PAX1: variants seen among roughly 807,000 people sequenced by gnomAD.
PAX1 encodes paired box 1.
In PAX1, 18 loss-of-function variants were observed where a neutral mutation model predicts 35.6. The ratio of observed to expected loss-of-function variants is 0.50; its 90% confidence interval spans 0.35 to 0.75. The LOEUF (loss-of-function observed/expected upper bound fraction) is 0.75. PAX1 is among the 30% of genes least tolerant of loss of function. PAX1 has a pLI of 0.01. For missense variants in PAX1, 760 were observed against 661.5 expected (o/e 1.15, Z -1.63); for synonymous variants, 397 against 305.2 (o/e 1.30, Z -3.14).
In PAX1 at chr20:21,706,446, T is replaced by C. The variant is rs1335274923; in HGVS notation, c.295T>C (p.Tyr99His). 4 of 1,611,190 alleles carry C rather than the reference T, an allele frequency of 2.5e-6. No individual in the cohort carries two copies. The highest frequency in any genetic ancestry group is 8.5e-7 in the Non-Finnish European group (1 of 1,178,978). Residue 99 changes from tyrosine to histidine, a missense_variant, in exon 2 of 5, where the codon TAT becomes CAT. By Grantham distance (83) the Tyr-to-His change is moderately conservative. This residue lies in a region of PAX1 where 222 missense variants were observed against 153.0 expected (regional missense o/e 1.45). Coordinates refer to ENST00000613128, the MANE Select transcript of PAX1 (RefSeq NM_001257096.2). The surrounding 1 kb of genome is among the most constrained non-coding windows in gnomAD (Gnocchi z 5.3). ...LAGPLAMEQTYGEVNQLGGVF... is the reference protein window; with the variant it reads ...LAGPLAMEQTHGEVNQLGGVF... ...GTCTGGCGCATCCGCAGAGCAGACG[T>C]ATGGCGAGGTGAACCAGCTGGGCGG...
rs1156521546 is a variant in PAX1, at chr20:21,706,647, G to A, written c.496G>A (p.Gly166Arg). 1 of 1,611,936 alleles carries A rather than the reference G, an allele frequency of 6.2e-7. No homozygotes were observed. The highest frequency in any genetic ancestry group is 8.5e-7 in the Non-Finnish European group (1 of 1,180,018). The change falls in exon 2 of 5, where the codon GGG becomes AGG. Residue 166 changes from glycine (G) to arginine (R), a missense_variant. Coordinates refer to ENST00000613128, the MANE Select transcript of PAX1 (RefSeq NM_001257096.2). This position sits in a 1 kb window ranked among gnomAD's most constrained non-coding sequence, Gnocchi z 5.3. ...ETGSILPGAI[G>R]GSKPRVTTPN... is the part of the protein sequence containing the mutation. ...CGGCTCCATTCTGCCCGGGGCCATC[G>A]GGGGGAGCAAGCCCCGCGTCACCAC...
In PAX1 at chr20:21,706,837, C is replaced by A. The variant is rs767391855; in HGVS notation, c.686C>A (p.Ala229Glu). 3 of 1,613,408 alleles carry A rather than the reference C, an allele frequency of 1.9e-6. No individual in the cohort carries two copies. Among genetic ancestry groups the A allele is most frequent in the Middle Eastern group, 1.6e-4 (1 of 6,062 alleles). ...RILRNKIGSL[A>E]QPGPYEASKQ... ...CTGCGCAACAAGATCGGCAGCCTGGCGCAGCCCGGACCGTACGAGGCAAGT... is the reference window on the plus strand; with the variant it reads ...CTGCGCAACAAGATCGGCAGCCTGGAGCAGCCCGGACCGTACGAGGCAAGT... The change falls in exon 2 of 5, where the codon GCG (alanine) becomes GAG (glutamate). Residue 229 changes from alanine to glutamate, a missense_variant. Around this residue, in one of 3 missense-constraint regions of PAX1, gnomAD observed 490 missense variants for 428.4 expected, o/e 1.14. Transcript: ENST00000613128. This position sits in a 1 kb window ranked among gnomAD's most constrained non-coding sequence, Gnocchi z 5.3.
At position 21,718,206 on chromosome 20, in the gene PAX1, C is replaced by A. The variant is rs1041466393; in HGVS notation, c.*3644C>A. ...TACTTGCAATGGATTGTAATAACTT[C>A]CCTGCCAAAGGTAGCTGTTTTTTGG... On this transcript the variant is annotated 3_prime_UTR_variant, in exon 5 of 5. Transcript: ENST00000613128. 6.6e-6 allele frequency: 1 copy of A among 152,192 alleles called. No homozygotes were observed. Among genetic ancestry groups the A allele is most frequent in the African/African-American group, 2.4e-5 (1 of 41,432 alleles). The allele number at this position is 152,192 out of a possible 1,614,324, so 9.4% of individuals were successfully genotyped here. A position where few individuals can be genotyped will look rare whatever the true frequency, so the allele number is the denominator to read the frequency against.
intron 4 of PAX1, 50 bp downstream of exon 4, chr20:21,709,494 G>A (rs1985133181): frequency 7.3e-7 from 1 of 1,371,026 alleles, no homozygotes. Context: ...GGTTAGGAAG[G>A]GTACTGGGGA....
chr20:21,712,230 GATTA>G (rs1169470634), intron 4 of PAX1, among the ~76,000 whole-genome samples: 2 of 152,046 alleles, frequency 1.3e-5, no homozygotes, highest in Admixed American at 6.5e-5. Context: ...GATATTAATT[GATTA>G]ATTGTGTTAT....
At chr20:21,713,921 G>C (rs77256749) in intron 4 of PAX1, among the ~76,000 whole-genome samples, 2,078 of 152,346 alleles carry the variant, frequency 0.014, 50 homozygotes, top group African/African-American at 0.048. Context: ...AGGAATCCAG[G>C]CCGCTCCAGG....
In PAX1 at chr20:21,706,286, G is replaced by A. The variant is rs775461572; in HGVS notation, c.287-152G>A. ...TGCCCACTCCAAGCCAGACCCAGGCGGTTTGCCCTTGGACTCCGAGCTGTC... is the reference window on the plus strand; with the variant it reads ...TGCCCACTCCAAGCCAGACCCAGGCAGTTTGCCCTTGGACTCCGAGCTGTC... On this transcript the variant is annotated intron_variant, in intron 1 of 4. Coordinates refer to ENST00000613128, the MANE Select transcript of PAX1 (RefSeq NM_001257096.2). This position sits in a 1 kb window ranked among gnomAD's most constrained non-coding sequence, Gnocchi z 5.3. The A allele has an allele frequency of 8.6e-6, 9 of 1,042,282 alleles. No individual in the cohort carries two copies. The Admixed American group carries it at 1.5e-4, about 17-fold the overall frequency. The allele number at this position is 1,042,282 out of a possible 1,614,324, so 64.6% of individuals were successfully genotyped here.
At chr20:21,713,875 GC>G (rs1985277313) in intron 4 of PAX1, among the ~76,000 whole-genome samples, 1 of 152,266 alleles carries the variant, frequency 6.6e-6, no homozygotes, top group Non-Finnish European at 1.5e-5. Flanking sequence ...AACGTAGTCT[GC>G]CGCTCACTTA....
Position 21,706,401 on chromosome 20 carries a change from TC to T in PAX1, c.287-32del, listed in dbSNP as rs770495252. 4.4e-6 allele frequency: 7 copies of T among 1,608,408 alleles called. No individual in the cohort carries two copies. Among genetic ancestry groups the T allele is most frequent in the East Asian group, 2.2e-5 (1 of 44,834 alleles). ...CTTGGCTAACCCGCCGGGTGTTTTCTCCCCCTCCGGCTCACTCTTGTCTGGC... is the reference window on the plus strand; with the variant it reads ...CTTGGCTAACCCGCCGGGTGTTTTCTCCCCTCCGGCTCACTCTTGTCTGGC... On this transcript the variant is annotated intron_variant, in intron 1 of 4. Transcript: ENST00000613128. This position sits in a 1 kb window ranked among gnomAD's most constrained non-coding sequence, Gnocchi z 5.3.
Position 21,706,646 on chromosome 20 carries a change from C to CG in PAX1, c.501dup (p.Ser168GlufsTer40). 1.2e-6 allele frequency: 2 copies of CG among 1,612,180 alleles called. No individual in the cohort carries two copies. The highest frequency in any genetic ancestry group is 8.5e-7 in the Non-Finnish European group (1 of 1,180,024). On this transcript the variant is annotated frameshift_variant, in exon 2 of 5. Transcript: ENST00000613128. LOFTEE classifies it high-confidence loss of function. This position sits in a 1 kb window ranked among gnomAD's most constrained non-coding sequence, Gnocchi z 5.3. Reference sequence around the variant, plus strand: ...CCGGCTCCATTCTGCCCGGGGCCATCGGGGGGAGCAAGCCCCGCGTCACCA... The same window carrying CG: ...CCGGCTCCATTCTGCCCGGGGCCATCGGGGGGGAGCAAGCCCCGCGTCACCA...
intron 4 of PAX1, among the ~76,000 whole-genome samples, chr20:21,713,035 G>A (rs1350918190): frequency 1.3e-5 from 2 of 152,250 alleles, no homozygotes. Context: ...TATGAGGAAG[G>A]ATGGCTTGGA....
chr20:21,706,784 G>T lies in PAX1; in HGVS notation c.633G>T (p.Val211=), dbSNP rs747537022. ...ACGGCGTCTGTGACAAGTACAATGT[G>T]CCTTCGGTGAGCTCCATCAGCCGCA... ...LADGVCDKYN[V]PSVSSISRIL... Residue 211 remains valine, a synonymous_variant, in exon 2 of 5, where the codon GTG becomes GTT. Transcript: ENST00000613128. This position sits in a 1 kb window ranked among gnomAD's most constrained non-coding sequence, Gnocchi z 5.3. 3 of 1,613,506 alleles carry T rather than the reference G, an allele frequency of 1.9e-6. No individual in the cohort carries two copies. The highest frequency in any genetic ancestry group is 2.2e-5 in the South Asian group (2 of 91,090).
intron 4 of PAX1, among the ~76,000 whole-genome samples, chr20:21,712,695 C>T (rs1985233267): frequency 6.6e-6 from 1 of 152,232 alleles, no homozygotes; most frequent in Admixed American, 6.5e-5. Flanking sequence ...CTTGCAGCTT[C>T]GCTCCAGTTA....
chr20:21,708,748 G>C, intron 3 of PAX1, 48 bp downstream of exon 3: 1 of 1,600,534 alleles, frequency 6.2e-7, no homozygotes, highest in Non-Finnish European at 8.6e-7. Flanking sequence ...GGAAGCAGAA[G>C]GTTTGGGCAA....
Position 21,706,105 on chromosome 20 carries a change from T to C in PAX1, c.286+107T>C. On this transcript the variant is annotated intron_variant, in intron 1 of 4. Transcript: ENST00000613128. This position sits in a 1 kb window ranked among gnomAD's most constrained non-coding sequence, Gnocchi z 5.3. ...TTTCCCTGGGCGACCCAGTCCTGGG[T>C]CCTGGAGAAGCTGCATTCTCCTCTG... 1 of 990,538 alleles carries C rather than the reference T, an allele frequency of 1.0e-6. No homozygotes were observed. The highest frequency in any genetic ancestry group is 1.5e-6 in the Non-Finnish European group (1 of 667,776). The allele number at this position is 990,538 out of a possible 1,614,324, so 61.4% of individuals were successfully genotyped here.
chr20:21,709,704 G>C (rs1343599017), intron 4 of PAX1, among the ~76,000 whole-genome samples: 1 of 152,100 alleles, frequency 6.6e-6, no homozygotes, highest in Non-Finnish European at 1.5e-5. Flanking sequence ...GAGGTGAAAG[G>C]AGGTCCTTCT....
chr20:21,706,769 T>C lies in PAX1; in HGVS notation c.618T>C (p.Cys206=), dbSNP rs1201810213. The C allele has an allele frequency of 1.2e-6, 2 of 1,613,322 alleles. No individual in the cohort carries two copies. Among genetic ancestry groups the C allele is most frequent in the African/African-American group, 1.3e-5 (1 of 74,944 alleles). Residue 206 remains cysteine, a synonymous_variant, in exon 2 of 5, where the codon TGT becomes TGC. Coordinates refer to ENST00000613128, the MANE Select transcript of PAX1 (RefSeq NM_001257096.2). The surrounding 1 kb of genome is among the most constrained non-coding windows in gnomAD (Gnocchi z 5.3). ...ACCGGCTGCTGGCCGACGGCGTCTGTGACAAGTACAATGTGCCTTCGGTGA... is the reference window on the plus strand; with the variant it reads ...ACCGGCTGCTGGCCGACGGCGTCTGCGACAAGTACAATGTGCCTTCGGTGA... ...IRDRLLADGV[C]DKYNVPSVSS...
intron 4 of PAX1, among the ~76,000 whole-genome samples, chr20:21,711,895 G>A (rs1985208914): frequency 6.6e-6 from 1 of 152,182 alleles, no homozygotes; most frequent in Non-Finnish European, 1.5e-5. Flanking sequence ...TTTCTGATCA[G>A]TTCTTAAGAA....
At chr20:21,713,382 T>TTTTGTGTG (rs1324636431) in intron 4 of PAX1, among the ~76,000 whole-genome samples, 1 of 146,272 alleles carries the variant, frequency 6.8e-6, no homozygotes, top group Non-Finnish European at 1.5e-5. Context: ...TCTTTTTTTT[T>TTTTGTGTG]TGTGTGTGTG....
Sources: gnomAD v4.1 joint callset for allele counts (sites outside exome capture counted in the v4.1 genomes callset) on GRCh38, gnomAD v4.1.1 for gene constraint, gnomAD v4.1.1 regional missense constraint, Gnocchi (gnomAD v3.1) non-coding constraint, MANE v1.5 for transcripts, NCBI Gene and HGNC (gene_info 2026-07-23, HGNC 2026-07-21) for gene names.